Variants in PPM1L observed in about 807,000 individuals in gnomAD.
PPM1L encodes protein phosphatase 1L.
A neutral mutation model predicts 31.4 loss-of-function variants in PPM1L; 13 were observed. The ratio of observed to expected loss-of-function variants is 0.41; its 90% CI spans 0.27 to 0.66. The LOEUF is 0.66. PPM1L is among the 30% of genes least tolerant of loss of function. The probability of loss-of-function intolerance (pLI) is 0.29; values close to 1 mark genes in which losing one functional copy is unlikely to be tolerated. For missense variants in PPM1L, 326 were observed against 453.7 expected (o/e 0.72, Z 2.56); for synonymous variants, 184 against 175.4 (o/e 1.05, Z -0.39).
At chr3:160,851,186 T>C (rs1035126870) in intron 1 of PPM1L, among the ~76,000 whole-genome samples, 2 of 152,194 alleles carry the variant, frequency 1.3e-5, no homozygotes, top group African/African-American at 4.8e-5. Context: ...TAGGATCTCA[T>C]TGTTTAGAAA....
At chr3:161,040,557 T>C (rs553236681) in intron 2 of PPM1L, among the ~76,000 whole-genome samples, 98 of 152,342 alleles carry the variant, frequency 6.4e-4, no homozygotes, top group African/African-American at 2.2e-3. Context: ...CTTTCTGCAG[T>C]GCTCTAATTG....
chr3:160,824,836 A>G (rs1248116361), intron 1 of PPM1L, among the ~76,000 whole-genome samples: 1 of 152,206 alleles, frequency 6.6e-6, no homozygotes, highest in African/African-American at 2.4e-5. Context: ...CATGCCTTAT[A>G]TATGTATGTA....
chr3:160,929,985 C>T (rs1714729978), intron 1 of PPM1L, among the ~76,000 whole-genome samples: 1 of 152,186 alleles, frequency 6.6e-6, no homozygotes, highest in Non-Finnish European at 1.5e-5. Context: ...TTTGAGGCCC[C>T]TCTCTCCTGA....
chr3:161,026,331 C>T (rs1377764776), intron 2 of PPM1L, among the ~76,000 whole-genome samples: 1 of 152,188 alleles, frequency 6.6e-6, no homozygotes, highest in Non-Finnish European at 1.5e-5. Flanking sequence ...CTTTAATCCA[C>T]AGCTGCTGAG....
rs145065695 is a variant in PPM1L, at chr3:160,792,792, GTTTTAT to G, written c.399+36087_399+36092del. Among the ~76,000 whole-genome samples the G allele has an allele frequency of 4.1e-3, 617 of 152,300 alleles. 2 individuals carry two copies. Among genetic ancestry groups the G allele is most frequent in the Non-Finnish European group, 6.8e-3 (466 of 68,036 alleles). ...GGGAAGTACCATACTTATGATTACA[GTTTTAT>G]TATACAGGATACAGCCAGTGAAGGG... On this transcript the variant is annotated intron_variant, in intron 1 of 3. Transcript: ENST00000498165.
chr3:160,930,176 A>G lies in PPM1L; in HGVS notation c.400-31560A>G, dbSNP rs144122426. Reference sequence around the variant, plus strand: ...AGGTCGCAAAGTGTTTCTTTTACAAATGTACACGTGGGCCTGGAACTTCAG... The same window carrying G: ...AGGTCGCAAAGTGTTTCTTTTACAAGTGTACACGTGGGCCTGGAACTTCAG... On this transcript the variant is annotated intron_variant, in intron 1 of 3. Transcript: ENST00000498165. Among the ~76,000 whole-genome samples the G allele has an allele frequency of 1.9e-3, 285 of 152,286 alleles. 3 individuals are homozygous for G. Among genetic ancestry groups the G allele is most frequent in the African/African-American group, 6.6e-3 (276 of 41,560 alleles).
intron 1 of PPM1L, among the ~76,000 whole-genome samples, chr3:160,838,085 G>A (rs1300521292): frequency 6.6e-6 from 1 of 152,120 alleles, no homozygotes; most frequent in African/African-American, 2.4e-5. Context: ...CTAACTGGTG[G>A]TGTCTCTTCT....
At chr3:160,908,178 C>T (rs1334969835) in intron 1 of PPM1L, among the ~76,000 whole-genome samples, 1 of 152,140 alleles carries the variant, frequency 6.6e-6, no homozygotes, top group Non-Finnish European at 1.5e-5. Flanking sequence ...ACTCAAATGG[C>T]CCCATAATGG....
At chr3:160,762,550 G>A (rs1188243033) in intron 1 of PPM1L, among the ~76,000 whole-genome samples, 1 of 152,162 alleles carries the variant, frequency 6.6e-6, no homozygotes, top group Admixed American at 6.5e-5. Context: ...TCTACTTGGA[G>A]AGATGAGCTT....
At chr3:160,816,309 A>T (rs1172028840) in intron 1 of PPM1L, among the ~76,000 whole-genome samples, 1 of 151,004 alleles carries the variant, frequency 6.6e-6, no homozygotes, top group African/African-American at 2.4e-5. Context: ...CATAGATCTC[A>T]GGTTAAAGCT....
chr3:160,914,864 C>A (rs1262667290), intron 1 of PPM1L, among the ~76,000 whole-genome samples: 1 of 152,124 alleles, frequency 6.6e-6, no homozygotes, highest in Non-Finnish European at 1.5e-5. Flanking sequence ...GGAATTGCCA[C>A]ACTGACTTCC....
chr3:160,912,277 A>C (rs73875423), intron 1 of PPM1L, among the ~76,000 whole-genome samples: 2 of 152,178 alleles, frequency 1.3e-5, no homozygotes, highest in Non-Finnish European at 2.9e-5. Flanking sequence ...TCTATTTGCC[A>C]TCTCTGAGCA....
chr3:160,841,514 A>AT (rs1333429526), intron 1 of PPM1L, among the ~76,000 whole-genome samples: 2 of 152,190 alleles, frequency 1.3e-5, no homozygotes, highest in Admixed American at 1.3e-4. Context: ...TAATGACAAC[A>AT]TTAGGAGGAA....
chr3:161,065,361 C>T, intron 2 of PPM1L, 42 bp from the exon 3 acceptor site: 2 of 1,591,242 alleles, frequency 1.3e-6, no homozygotes, highest in Admixed American at 1.7e-5. Flanking sequence ...AACCTGAATG[C>T]ACTGCTGACC....
At chr3:160,769,374 G>A (rs979800611) in intron 1 of PPM1L, among the ~76,000 whole-genome samples, 7 of 152,280 alleles carry the variant, frequency 4.6e-5, no homozygotes, top group African/African-American at 1.7e-4. Flanking sequence ...GACTTTAGAG[G>A]ACTTCAGAAA....
chr3:161,050,240 G>A (rs1443660467), intron 2 of PPM1L, among the ~76,000 whole-genome samples: 1 of 152,168 alleles, frequency 6.6e-6, no homozygotes, highest in East Asian at 1.9e-4. Context: ...TTAAGTTACT[G>A]AAATGACAGG....
chr3:160,940,748 C>T (rs923609859), intron 1 of PPM1L, among the ~76,000 whole-genome samples: 7 of 152,194 alleles, frequency 4.6e-5, no homozygotes, highest in African/African-American at 1.4e-4. Flanking sequence ...AGAACCTCTG[C>T]TAGGGCAGTG....
intron 1 of PPM1L, among the ~76,000 whole-genome samples, chr3:160,811,186 G>C (rs1449682277): frequency 6.6e-6 from 1 of 152,252 alleles, no homozygotes; most frequent in Non-Finnish European, 1.5e-5. Flanking sequence ...TAATGAAGGG[G>C]TCTAAGTACG....
intron 1 of PPM1L, among the ~76,000 whole-genome samples, chr3:160,832,621 A>G (rs1713556972): frequency 6.6e-6 from 1 of 152,146 alleles, no homozygotes; most frequent in Non-Finnish European, 1.5e-5. Flanking sequence ...GAGTCTCTTG[A>G]ACCCTTCACT....
Sources: allele counts gnomAD v4.1 joint callset (sites outside exome capture counted in the v4.1 genomes callset), GRCh38; gene constraint gnomAD v4.1.1; transcripts MANE v1.5; gene names NCBI Gene and HGNC (gene_info 2026-07-23, HGNC 2026-07-21).